Variants in SZT2 observed in about 807,000 individuals in gnomAD.
SZT2 encodes the protein SZT2 subunit of KICSTOR complex.
SZT2 carries 216 observed loss-of-function variants against 404.2 expected under a neutral mutation model. That is an observed-to-expected ratio of 0.53 (90% CI 0.48 to 0.60). SZT2 has a LOEUF of 0.60. SZT2 is among the 20% of genes least tolerant of loss of function. The pLI is 0.00. For missense variants in SZT2, 3,857 were observed against 4,459.2 expected (o/e 0.86, Z 3.85); for synonymous variants, 1,693 against 1,749.9 (o/e 0.97, Z 0.81).
Position 43,419,866 on chromosome 1 carries a change from C to G in SZT2, c.1012C>G (p.Leu338Val), listed in dbSNP as rs2153932085. ...TGAGCCGGAGCCAGGCAACCTGGGT[C>G]TGACTGTCTACCACCGGGCATTTCT... ...CPEPEPGNLG[L>V]TVYHRAFLLY... The change falls in exon 8 of 72, where the codon CTG becomes GTG. Residue 338 changes from leucine (L) to valine (V), a missense_variant. Around this residue, in one of 7 missense-constraint regions of SZT2, gnomAD observed 536 missense variants for 637.4 expected, o/e 0.84. Transcript: ENST00000634258. 1 of 1,598,428 alleles carries G rather than the reference C, an allele frequency of 6.3e-7. No individual in the cohort carries two copies. The highest frequency in any genetic ancestry group is 1.1e-5 in the South Asian group (1 of 91,078).
Position 43,443,025 on chromosome 1 carries a change from T to G in SZT2, c.8358T>G (p.Pro2786=). The change falls in exon 59 of 72, where the codon CCT becomes CCG. Residue 2786 remains proline (P), a synonymous_variant. Coordinates refer to ENST00000634258, the MANE Select transcript of SZT2 (RefSeq NM_001365999.1). ...PSSVLGPVPR[P]PDPVTYHGQQ... is the part of the protein sequence containing the mutation. ...CCGTACTTGGTCCTGTGCCCAGACC[T>G]CCTGATCCTGTCACCTACCATGGAC... is the stretch of plus-strand genomic sequence containing the variant. 6.2e-7 allele frequency: 1 copy of G among 1,613,976 alleles called. No individual in the cohort carries two copies. Among genetic ancestry groups the G allele is most frequent in the Non-Finnish European group, 8.5e-7 (1 of 1,179,928 alleles).
chr1:43,419,518 A>C (rs752956624), intron 7 of SZT2, among the ~76,000 whole-genome samples: 6 of 152,172 alleles, frequency 3.9e-5, no homozygotes, highest in Admixed American at 1.3e-4. Context: ...GGAGGAAGCA[A>C]AGAGGATGCT....
chr1:43,432,348 G>T lies in SZT2; in HGVS notation c.5351G>T (p.Gly1784Val). Residue 1784 changes from glycine to valine, a missense_variant, in exon 37 of 72, where the codon GGC becomes GTC. Physicochemically the swap from Gly to Val is moderately radical, Grantham distance 109 (BLOSUM62 -3). Coordinates refer to ENST00000634258, the MANE Select transcript of SZT2 (RefSeq NM_001365999.1). ...AGTGGCTTCTTCTTTGTGGCAGCTG[G>T]CCAACAGCCAGGTGGGTCCCATGGG... The part of the protein sequence containing the change: ...PDSGFFFVAA[G>V]QQPGGSHGEP... 6.2e-7 allele frequency: 1 copy of T among 1,606,810 alleles called. No individual in the cohort carries two copies. The highest frequency in any genetic ancestry group is 8.5e-7 in the Non-Finnish European group (1 of 1,176,938).
chr1:43,403,111 T>G, intron 1 of SZT2, 66 bp from the exon 2 acceptor site: 2 of 1,558,516 alleles, frequency 1.3e-6, no homozygotes, highest in Non-Finnish European at 1.8e-6. Flanking sequence ...ATTTGGACAG[T>G]GATCTGTGTG....
rs1433173288 is a variant in SZT2, at chr1:43,450,211, G to A, written c.10155+40G>A. On this transcript the variant is annotated intron_variant, in intron 71 of 71. Coordinates refer to ENST00000634258, the MANE Select transcript of SZT2 (RefSeq NM_001365999.1). This position sits in a 1 kb window ranked among gnomAD's most constrained non-coding sequence, Gnocchi z 4.3. Reference sequence around the variant, plus strand: ...GGGGCTTTGTGTCAGCCTCATGGGAGGCCGTACCCCAAATGCTCCACCTCG... The same window carrying A: ...GGGGCTTTGTGTCAGCCTCATGGGAAGCCGTACCCCAAATGCTCCACCTCG... The A allele has an allele frequency of 6.2e-7, 1 of 1,614,028 alleles. No homozygotes were observed. Among genetic ancestry groups the A allele is most frequent in the East Asian group, 2.2e-5 (1 of 44,874 alleles).
In SZT2 at chr1:43,423,092, C is replaced by T. The variant is rs1652615850; in HGVS notation, c.2038-7C>T. The T allele has an allele frequency of 6.3e-6, 10 of 1,580,462 alleles. No homozygotes were observed. The East Asian group carries it at 2.0e-4, about 32-fold the overall frequency. On this transcript the variant is annotated splice_polypyrimidine_tract_variant and splice_region_variant and intron_variant, in intron 14 of 71. Coordinates refer to ENST00000634258, the MANE Select transcript of SZT2 (RefSeq NM_001365999.1). Reference sequence around the variant, plus strand: ...AGTAAGAGGATGTGACCACATTTTCCCCTCAGATTGTGTCAGGCTTGAGGG... The same window carrying T: ...AGTAAGAGGATGTGACCACATTTTCTCCTCAGATTGTGTCAGGCTTGAGGG...
At position 43,420,749 on chromosome 1, in the gene SZT2, G is replaced by A; in HGVS notation, c.1262G>A (p.Gly421Glu). The change falls in exon 10 of 72, where the codon GGA (glycine) becomes GAA (glutamate). Residue 421 changes from glycine (G) to glutamate (E), a missense_variant and splice_region_variant. Around this residue, in one of 7 missense-constraint regions of SZT2, gnomAD observed 536 missense variants for 637.4 expected, o/e 0.84. Transcript: ENST00000634258. This position sits in a 1 kb window ranked among gnomAD's most constrained non-coding sequence, Gnocchi z 5.1. Reference sequence around the variant, plus strand: ...ACTGGCCCTTCCGCTTCTCCCTAAGGAGGGTCCCAATTGGAGGTAAAGCTG... The same window carrying A: ...ACTGGCCCTTCCGCTTCTCCCTAAGAAGGGTCCCAATTGGAGGTAAAGCTG... Reference protein sequence around the residue: ...YSVREVTLAKGGSQLEVKLVL... With the variant: ...YSVREVTLAKEGSQLEVKLVL... 6.3e-7 allele frequency: 1 copy of A among 1,598,384 alleles called. No individual in the cohort carries two copies. The highest frequency in any genetic ancestry group is 1.1e-5 in the South Asian group (1 of 91,078).
chr1:43,402,513 T>C (rs1649799020), intron 1 of SZT2, among the ~76,000 whole-genome samples: 1 of 152,164 alleles, frequency 6.6e-6, no homozygotes, highest in African/African-American at 2.4e-5. Flanking sequence ...TAAGGGAAAA[T>C]GTCAGATTCA....
intron 4 of SZT2, chr1:43,404,971 A>T: frequency 6.5e-6 from 1 of 154,574 alleles, no homozygotes; most frequent in Non-Finnish European, 1.4e-5. Flanking sequence ...CCAGAAATGT[A>T]ATTGGTTTCA....
Position 43,439,949 on chromosome 1 carries a change from G to A in SZT2, c.7111G>A (p.Glu2371Lys), listed in dbSNP as rs575372921. 6.2e-7 allele frequency: 1 copy of A among 1,613,948 alleles called. No individual in the cohort carries two copies. The highest frequency in any genetic ancestry group is 1.1e-5 in the South Asian group (1 of 91,046). ...GGGGAACATTAGTATTGTGCAGCTG[G>A]AGGAGAAACTCCGAGGAGCAGCTCG... ...EKGNISIVQL[E>K]EKLRGAARQA... is the part of the protein sequence containing the mutation. Residue 2371 changes from glutamate to lysine, a missense_variant, in exon 51 of 72, where the codon GAG becomes AAG. By Grantham distance (56) the Glu-to-Lys change is moderately conservative. Coordinates refer to ENST00000634258, the MANE Select transcript of SZT2 (RefSeq NM_001365999.1). The surrounding 1 kb of genome is among the most constrained non-coding windows in gnomAD (Gnocchi z 4.2).
Position 43,439,917 on chromosome 1 carries a change from G to T in SZT2, c.7079G>T (p.Trp2360Leu). Residue 2360 changes from tryptophan to leucine, a missense_variant, in exon 51 of 72, where the codon TGG becomes TTG. By Grantham distance (61) the Trp-to-Leu change is moderately conservative. This residue lies in a region of SZT2 where 573 missense variants were observed against 592.4 expected (regional missense o/e 0.97). Coordinates refer to ENST00000634258, the MANE Select transcript of SZT2 (RefSeq NM_001365999.1). This position sits in a 1 kb window ranked among gnomAD's most constrained non-coding sequence, Gnocchi z 4.2. Reference protein sequence around the residue: ...NGAPRLRLDVWEKGNISIVQL... With the variant: ...NGAPRLRLDVLEKGNISIVQL... Reference sequence around the variant, plus strand: ...GCCCCACGGCTTCGATTGGATGTGTGGGAAAAGGGGAACATTAGTATTGTG... The same window carrying T: ...GCCCCACGGCTTCGATTGGATGTGTTGGAAAAGGGGAACATTAGTATTGTG... The T allele has an allele frequency of 6.2e-7, 1 of 1,610,762 alleles. No homozygotes were observed. The highest frequency in any genetic ancestry group is 8.5e-7 in the Non-Finnish European group (1 of 1,178,178).
intron 66 of SZT2, 25 bp downstream of exon 66, chr1:43,447,193 G>A (rs1367816042): frequency 6.3e-7 from 1 of 1,594,382 alleles, no homozygotes; most frequent in Admixed American, 1.7e-5. Context: ...GCAAGCCAGT[G>A]AACCCAAAAA....
Position 43,424,898 on chromosome 1 carries a change from G to A in SZT2, c.2550+36G>A, listed in dbSNP as rs1652957897. 4.4e-6 allele frequency: 7 copies of A among 1,601,928 alleles called. No homozygotes were observed. The highest frequency in any genetic ancestry group is 6.0e-6 in the Non-Finnish European group (7 of 1,169,168). ...TCCCCCATGACACCTCCCTGCCAAGGTCTGTCATAATCCCAGGGACACTCA... is the reference window on the plus strand; with the variant it reads ...TCCCCCATGACACCTCCCTGCCAAGATCTGTCATAATCCCAGGGACACTCA... On this transcript the variant is annotated intron_variant, in intron 17 of 71. Coordinates refer to ENST00000634258, the MANE Select transcript of SZT2 (RefSeq NM_001365999.1). The surrounding 1 kb of genome is among the most constrained non-coding windows in gnomAD (Gnocchi z 4.1).
chr1:43,432,378 C>A lies in SZT2; in HGVS notation c.5381C>A (p.Pro1794His). Reference sequence around the variant, plus strand: ...CAGCCAGGTGGGTCCCATGGGGAGCCTTCTTCAGCGGCCTGGGCTTGGCAC... The same window carrying A: ...CAGCCAGGTGGGTCCCATGGGGAGCATTCTTCAGCGGCCTGGGCTTGGCAC... ...GQQPGGSHGE[P>H]SSAAWAWHSH... The change falls in exon 37 of 72, where the codon CCT becomes CAT. Residue 1794 changes from proline to histidine, a missense_variant. Pro to His is a moderately conservative substitution (Grantham distance 77, BLOSUM62 -2). Around this residue, in one of 7 missense-constraint regions of SZT2, gnomAD observed 1,725 missense variants for 1,881.0 expected, o/e 0.92. Coordinates refer to ENST00000634258, the MANE Select transcript of SZT2 (RefSeq NM_001365999.1). The A allele has an allele frequency of 1.2e-6, 2 of 1,603,248 alleles. No individual in the cohort carries two copies. The highest frequency in any genetic ancestry group is 2.2e-5 in the South Asian group (2 of 89,376).
chr1:43,422,175 G>C lies in SZT2; in HGVS notation c.1719G>C (p.Trp573Cys). 1 of 1,596,676 alleles carries C rather than the reference G, an allele frequency of 6.3e-7. No individual in the cohort carries two copies. Among genetic ancestry groups the C allele is most frequent in the Admixed American group, 1.7e-5 (1 of 59,872 alleles). Reference protein sequence around the residue: ...KPVLSMDANSWQRWLHMHRLV... With the variant: ...KPVLSMDANSCQRWLHMHRLV... ...TGCTGTCCATGGATGCAAATTCCTG[G>C]CAGCGATGGCTGCACATGCATCGCC... The change falls in exon 12 of 72, where the codon TGG becomes TGC. Residue 573 changes from tryptophan (W) to cysteine (C), a missense_variant. Trp to Cys is a radical substitution (Grantham distance 215, BLOSUM62 -2). Around this residue, in one of 7 missense-constraint regions of SZT2, gnomAD observed 1,725 missense variants for 1,881.0 expected, o/e 0.92. Transcript: ENST00000634258.
At chr1:43,397,860 G>T (rs1192748351) in intron 1 of SZT2, among the ~76,000 whole-genome samples, 1 of 152,110 alleles carries the variant, frequency 6.6e-6, no homozygotes, top group South Asian at 2.1e-4. Context: ...ACTCTGGCAG[G>T]TGTCATGAAG....
chr1:43,403,360 G>A lies in SZT2; in HGVS notation c.153+58G>A. 2.5e-6 allele frequency: 4 copies of A among 1,578,282 alleles called. 1 individual carries two copies. In the South Asian group the frequency reaches 4.6e-5, roughly 18 times the overall value. ...CCAGCCCAGAAGGATCTGTTTTTTA[G>A]GAGAGTGCTAGAAACAGACAGGGTG... On this transcript the variant is annotated intron_variant, in intron 2 of 71. Coordinates refer to ENST00000634258, the MANE Select transcript of SZT2 (RefSeq NM_001365999.1).
intron 4 of SZT2, among the ~76,000 whole-genome samples, chr1:43,408,166 T>A (rs1005103808): frequency 6.6e-6 from 1 of 151,998 alleles, no homozygotes; most frequent in Admixed American, 6.6e-5. Context: ...TTCTTCTAAT[T>A]TTGTGAGTGT....
intron 1 of SZT2, among the ~76,000 whole-genome samples, chr1:43,400,349 T>C (rs1570553868): frequency 6.6e-6 from 1 of 152,324 alleles, no homozygotes; most frequent in African/African-American, 2.4e-5. Flanking sequence ...TCCTTTCTGC[T>C]CATTACCCCC....
Sources: allele counts gnomAD v4.1 joint callset (sites outside exome capture counted in the v4.1 genomes callset), GRCh38; gene constraint gnomAD v4.1.1; regional missense constraint gnomAD v4.1.1; non-coding constraint Gnocchi (gnomAD v3.1); transcripts MANE v1.5; gene names NCBI Gene and HGNC (gene_info 2026-07-23, HGNC 2026-07-21).